Variants in ARMH4 observed in about 807,000 individuals in gnomAD.
ARMH4 encodes the protein armadillo-like helical domain-containing protein 4.
In ARMH4, 49 loss-of-function variants were observed where a neutral mutation model predicts 61.9. The observed-to-expected ratio is 0.79, with a 90% CI of 0.63 to 1.00. The LOEUF is 1.00. Among genes scored for constraint, ARMH4 ranks in the 50% least tolerant of loss-of-function variants. ARMH4 has a pLI of 0.00. For missense variants in ARMH4, 934 were observed against 930.0 expected, an observed-to-expected ratio of 1.00 and a Z score of -0.06; for synonymous variants, 368 against 341.5, an observed-to-expected ratio of 1.08 and a Z score of -0.85.
intron 5 of ARMH4, among the ~76,000 whole-genome samples, chr14:58,030,697 A>G (rs1441963506): frequency 6.6e-6 from 1 of 152,228 alleles, no homozygotes; most frequent in Admixed American, 6.5e-5. Flanking sequence ...TGCCTCACAT[A>G]AGTGGAATTA....
At position 58,133,153 on chromosome 14, in the gene ARMH4, G is replaced by T; in HGVS notation, c.1558C>A (p.Leu520Met). 1.2e-6 allele frequency: 2 copies of T among 1,614,170 alleles called. No homozygotes were observed. Among genetic ancestry groups the T allele is most frequent in the Non-Finnish European group, 1.7e-6 (2 of 1,180,030 alleles). ...VTQLSRRWEP[L>M]ATTISTTVVP... ...ACTGTAGTTGAAATTGTAGTGGCCA[G>T]AGGCTCCCATCTTCTTGACAGCTGA... The change falls in exon 3 of 8, where the codon CTG (leucine) becomes ATG (methionine). Residue 520 changes from leucine (L) to methionine (M), a missense_variant. Physicochemically the swap from Leu to Met is conservative, Grantham distance 15. Transcript: ENST00000267485.
chr14:58,013,589 G>A (rs558878980), intron 5 of ARMH4, among the ~76,000 whole-genome samples: 1 of 152,180 alleles, frequency 6.6e-6, no homozygotes, highest in African/African-American at 2.4e-5. Context: ...CATGCACACA[G>A]CTCCACCCTT....
chr14:58,049,064 C>T (rs954568292), intron 5 of ARMH4, among the ~76,000 whole-genome samples: 1 of 151,866 alleles, frequency 6.6e-6, no homozygotes, highest in African/African-American at 2.4e-5. Flanking sequence ...GGTGAAACCC[C>T]ATCTCTATTA....
intron 5 of ARMH4, among the ~76,000 whole-genome samples, chr14:58,031,494 A>T (rs923827442): frequency 6.6e-6 from 1 of 152,186 alleles, no homozygotes; most frequent in Non-Finnish European, 1.5e-5. Context: ...CACTGCAGCA[A>T]GTTACAAATG....
In ARMH4 at chr14:58,067,492, G is replaced by C. The variant is rs114504467; in HGVS notation, c.2089+29232C>G. On this transcript the variant is annotated intron_variant, in intron 5 of 7. Transcript: ENST00000267485. The stretch of plus-strand genomic sequence containing the variant: ...GTGGGGAGGCAGACCAAGAAAGAGG[G>C]ATTTATGAGAATCTGTGTAAGGACA... Among the ~76,000 whole-genome samples, 792 of 152,236 alleles carry C rather than the reference G, an allele frequency of 5.2e-3. 8 individuals are homozygous for C. Among genetic ancestry groups the C allele is most frequent in the African/African-American group, 0.018 (733 of 41,546 alleles).
intron 5 of ARMH4, among the ~76,000 whole-genome samples, chr14:58,042,823 A>T (rs964022887): frequency 3.3e-5 from 5 of 152,204 alleles, no homozygotes; most frequent in African/African-American, 1.2e-4. Flanking sequence ...ACACCTCTAC[A>T]CAAATAAACT....
In ARMH4 at chr14:58,138,632, C is replaced by A; in HGVS notation, c.727G>T (p.Ala243Ser). The A allele has an allele frequency of 6.2e-7, 1 of 1,614,194 alleles. No homozygotes were observed. The highest frequency in any genetic ancestry group is 8.5e-7 in the Non-Finnish European group (1 of 1,180,016). ...GTGAGGCTTCCAGGCTCACTGCCTG[C>A]TGTGGACTCAGCACCAGGAAAAGAA... ...TTSFPGAEST[A>S]GSEPGSLTPD... The change falls in exon 2 of 8, where the codon GCA becomes TCA. Residue 243 changes from alanine to serine, a missense_variant. Ala to Ser is a moderately conservative substitution (Grantham distance 99). Coordinates refer to ENST00000267485, the MANE Select transcript of ARMH4 (RefSeq NM_001001872.4).
intron 5 of ARMH4, among the ~76,000 whole-genome samples, chr14:58,018,069 A>C (rs765478914): frequency 6.6e-6 from 1 of 152,212 alleles, no homozygotes; most frequent in Non-Finnish European, 1.5e-5. Flanking sequence ...CTGGATATCC[A>C]CACGCAAAAG....
intron 5 of ARMH4, among the ~76,000 whole-genome samples, chr14:58,032,690 TGC>T (rs1883294321): frequency 6.6e-6 from 1 of 151,618 alleles, no homozygotes; most frequent in Non-Finnish European, 1.5e-5. Context: ...GGCCAGTGTG[TGC>T]GCGCACCGTG....
At chr14:58,137,524 G>T (rs768068083) in intron 2 of ARMH4, among the ~76,000 whole-genome samples, 2 of 151,944 alleles carry the variant, frequency 1.3e-5, no homozygotes, top group Non-Finnish European at 2.9e-5. Context: ...TCAGCCTCCC[G>T]AGTAGCTGGG....
intron 4 of ARMH4, among the ~76,000 whole-genome samples, chr14:58,112,637 C>A (rs1261233432): frequency 3.3e-5 from 5 of 152,178 alleles, no homozygotes; most frequent in African/African-American, 1.2e-4. Flanking sequence ...ATCTCAGTCC[C>A]TCCTTCTAGA....
At chr14:58,063,608 C>G (rs530076123) in intron 5 of ARMH4, among the ~76,000 whole-genome samples, 95,539 of 151,938 alleles carry the variant, frequency 0.63, 31,929 homozygotes, top group African/African-American at 0.86. Flanking sequence ...ACTACAGAAA[C>G]TACAAAAAAT....
intron 5 of ARMH4, among the ~76,000 whole-genome samples, chr14:58,094,329 C>CAA (rs759288462): frequency 1.7e-4 from 20 of 117,648 alleles, no homozygotes; most frequent in East Asian, 2.5e-4. Flanking sequence ...GACGCTTTCT[C>CAA]AAAAAAAAAA....
At chr14:58,069,500 C>T (rs968190145) in intron 5 of ARMH4, among the ~76,000 whole-genome samples, 4 of 152,150 alleles carry the variant, frequency 2.6e-5, no homozygotes, top group Non-Finnish European at 4.4e-5. Flanking sequence ...ACAGTTTCAT[C>T]TGATAGGGAA....
intron 5 of ARMH4, among the ~76,000 whole-genome samples, chr14:58,081,901 C>A (rs899904791): frequency 6.6e-6 from 1 of 150,674 alleles, no homozygotes; most frequent in Non-Finnish European, 1.5e-5. Flanking sequence ...CCATAATGAT[C>A]GTACATGTTC....
At chr14:58,012,224 C>T in intron 5 of ARMH4, 74 bp from the exon 6 acceptor site, 1 of 887,086 alleles carries the variant, frequency 1.1e-6, no homozygotes, top group Non-Finnish European at 1.7e-6. Context: ...GTTAATTTGA[C>T]AAATTAAAGA....
intron 1 of ARMH4, chr14:58,141,685 G>T: frequency 2.9e-6 from 1 of 340,344 alleles, no homozygotes; most frequent in South Asian, 2.6e-5. Flanking sequence ...CTTCCTTGAA[G>T]GGCAGCAGCC....
At chr14:58,057,936 C>T (rs1242025975) in intron 5 of ARMH4, among the ~76,000 whole-genome samples, 4 of 152,150 alleles carry the variant, frequency 2.6e-5, no homozygotes, top group Non-Finnish European at 4.4e-5. Context: ...AGGAACAGTA[C>T]AGTATGAGAG....
intron 6 of ARMH4, among the ~76,000 whole-genome samples, chr14:58,007,999 T>C (rs1334482131): frequency 6.6e-6 from 1 of 152,184 alleles, no homozygotes; most frequent in Non-Finnish European, 1.5e-5. Context: ...CAACTAAATG[T>C]GTTACATAAT....
Sources: gnomAD v4.1 joint callset for allele counts (sites outside exome capture counted in the v4.1 genomes callset) on GRCh38, gnomAD v4.1.1 for gene constraint, MANE v1.5 for transcripts, NCBI Gene and HGNC (gene_info 2026-07-23, HGNC 2026-07-21) for gene names.